ADAMTS20: variants seen among roughly 807,000 people sequenced by gnomAD.
The protein encoded by ADAMTS20 is A disintegrin and metalloproteinase with thrombospondin motifs 20.
ADAMTS20 carries 225 observed loss-of-function variants against 260.1 expected under a neutral mutation model. That is an observed-to-expected ratio of 0.87 (90% confidence interval 0.78 to 0.97). ADAMTS20 has a LOEUF of 0.97. Ranked by LOEUF, ADAMTS20 falls within the 50% of genes least tolerant of loss-of-function variation. The pLI, the probability that ADAMTS20 is intolerant of heterozygous loss-of-function variation, is 0.00. For synonymous variants in ADAMTS20, 802 were observed against 769.5 expected (o/e 1.04, Z -0.70); for missense variants, 2,400 against 2,337.7 (o/e 1.03, Z -0.55).
intron 7 of ADAMTS20, among the ~76,000 whole-genome samples, chr12:43,485,666 C>T (rs1942512316): frequency 6.6e-6 from 1 of 151,964 alleles, no homozygotes; most frequent in African/African-American, 2.4e-5. Context: ...TATACCTAGA[C>T]CATCTTACAG....
rs1341476361 is a variant in ADAMTS20 at position 43,428,708 on chromosome 12, T to C, written c.3581A>G (p.His1194Arg). 2 of 1,612,702 alleles carry C rather than the reference T, an allele frequency of 1.2e-6. No individual in the cohort carries two copies. The highest frequency in any genetic ancestry group is 1.3e-5 in the African/African-American group (1 of 74,880). ...DRIADESYCA[H>R]LPRPAEIWDC... ...CCATATTTCAGCAGGTCGGGGTAAGTGGGCACAATATGATTCATCTGCTAT... is the reference window on the plus strand; with the variant it reads ...CCATATTTCAGCAGGTCGGGGTAAGCGGGCACAATATGATTCATCTGCTAT... The change falls in exon 25 of 39, where the codon CAC (histidine) becomes CGC (arginine). Residue 1194 changes from histidine (H) to arginine (R), a missense_variant. By Grantham distance (29) the His-to-Arg change is conservative (BLOSUM62 0). Transcript: ENST00000389420.
chr12:43,528,512 A>G (rs1345227554), intron 3 of ADAMTS20, among the ~76,000 whole-genome samples: 1 of 152,108 alleles, frequency 6.6e-6, no homozygotes, highest in Non-Finnish European at 1.5e-5. Flanking sequence ...AAAGCCAAAT[A>G]CTTACAACTA....
At chr12:43,450,077 A>G (rs1399912668) in intron 14 of ADAMTS20, among the ~76,000 whole-genome samples, 3 of 152,194 alleles carry the variant, frequency 2.0e-5, no homozygotes, top group Non-Finnish European at 2.9e-5. Context: ...ATTTTAACTC[A>G]TGACCTTAGA....
intron 8 of ADAMTS20, among the ~76,000 whole-genome samples, chr12:43,467,786 C>T (rs1179962172): frequency 6.6e-6 from 1 of 152,118 alleles, no homozygotes; most frequent in African/African-American, 2.4e-5. Context: ...TGATCGTTTA[C>T]TAAAAATTAT....
intron 4 of ADAMTS20, 84 bp from the exon 5 acceptor site, chr12:43,493,337 A>T: frequency 2.1e-6 from 2 of 952,082 alleles, no homozygotes; most frequent in Non-Finnish European, 3.2e-6. Context: ...CAGAGTATCA[A>T]TTCTCTAATT....
chr12:43,443,707 T>A (rs1184025542), intron 16 of ADAMTS20, 84 bp downstream of exon 16: 1 of 1,119,586 alleles, frequency 8.9e-7, no homozygotes, highest in Non-Finnish European at 1.3e-6. Context: ...GGACTCCTGT[T>A]TTCCAAGAAT....
In ADAMTS20 at chr12:43,356,651, GTC is replaced by G; in HGVS notation, c.5539-65_5539-64del. On this transcript the variant is annotated intron_variant, in intron 37 of 38. Transcript: ENST00000389420. ...TTACAAAATATTTGATTACAAATAA[GTC>G]TTCTCAATTGCAAGGGGCAACTGAA... 4.0e-6 allele frequency: 5 copies of G among 1,238,970 alleles called. No individual in the cohort carries two copies. In the South Asian group the frequency reaches 6.6e-5, roughly 16 times the overall value. 76.7% of individuals were successfully genotyped at this position (1,238,970 alleles called of 1,614,324 possible).
chr12:43,472,751 A>C (rs1374965682), intron 7 of ADAMTS20, among the ~76,000 whole-genome samples: 1 of 151,438 alleles, frequency 6.6e-6, no homozygotes, highest in Non-Finnish European at 1.5e-5. Context: ...TCATAAGTGA[A>C]GGAGAAATAA....
At chr12:43,362,899 A>C (rs1402287841) in intron 37 of ADAMTS20, among the ~76,000 whole-genome samples, 1 of 151,898 alleles carries the variant, frequency 6.6e-6, no homozygotes, top group African/African-American at 2.4e-5. Context: ...AAGCTGGAAA[A>C]GGCAAGAAAA....
chr12:43,464,508 A>G (rs1942118636), intron 10 of ADAMTS20, 83 bp downstream of exon 10: 2 of 1,485,288 alleles, frequency 1.3e-6, no homozygotes, highest in Non-Finnish European at 1.8e-6. Flanking sequence ...ATTTAGTTCA[A>G]GAGAATAAAC....
chr12:43,428,847 A>C, intron 24 of ADAMTS20, 48 bp from the exon 25 acceptor site: 7 of 1,476,678 alleles, frequency 4.7e-6, no homozygotes, highest in Non-Finnish European at 5.4e-6. Context: ...GTAGTACCTC[A>C]CCCATGTCCC....
chr12:43,507,719 C>T (rs1942866126), intron 3 of ADAMTS20, among the ~76,000 whole-genome samples: 1 of 152,100 alleles, frequency 6.6e-6, no homozygotes, highest in African/African-American at 2.4e-5. Context: ...TAATGAAAGA[C>T]TGCCACATTA....
intron 28 of ADAMTS20, among the ~76,000 whole-genome samples, chr12:43,400,048 T>C (rs1415147754): frequency 2.0e-5 from 3 of 152,068 alleles, no homozygotes; most frequent in Non-Finnish European, 4.4e-5. Context: ...TCTTACAAAC[T>C]TGTTATGAAG....
chr12:43,430,486 T>C lies in ADAMTS20; in HGVS notation c.3262-15A>G, dbSNP rs375161433. The C allele has an allele frequency of 1.1e-5, 18 of 1,599,992 alleles. No homozygotes were observed. The African/African-American group carries it at 1.9e-4, about 17-fold the overall frequency. ...GTGGTTGTGCACTGAAAGAAGAATA[T>C]AGATATTAAAAAAACATTGTTTCCC... On this transcript the variant is annotated splice_polypyrimidine_tract_variant and intron_variant, in intron 22 of 38. Coordinates refer to ENST00000389420, the MANE Select transcript of ADAMTS20 (RefSeq NM_025003.5).
At chr12:43,435,610 C>T (rs560012442) in intron 18 of ADAMTS20, among the ~76,000 whole-genome samples, 37 of 138,368 alleles carry the variant, frequency 2.7e-4, no homozygotes, top group Admixed American at 6.4e-4. Context: ...CACTGCACTC[C>T]AGCCTGGGCA....
chr12:43,400,193 G>T (rs1219359737), intron 28 of ADAMTS20, among the ~76,000 whole-genome samples: 5 of 151,938 alleles, frequency 3.3e-5, no homozygotes, highest in Non-Finnish European at 7.4e-5. Flanking sequence ...ATTTCAGCAT[G>T]ATATATGTAC....
At chr12:43,454,078 A>C (rs1205648991) in intron 11 of ADAMTS20, 26 bp from the exon 12 acceptor site, 1 of 1,604,108 alleles carries the variant, frequency 6.2e-7, no homozygotes, top group East Asian at 2.2e-5. Flanking sequence ...GCACAAAAAG[A>C]AATGATGTGT....
At chr12:43,497,395 T>C (rs1451101874) in intron 4 of ADAMTS20, among the ~76,000 whole-genome samples, 3 of 152,152 alleles carry the variant, frequency 2.0e-5, no homozygotes, top group Admixed American at 2.0e-4. Context: ...GGTATGTTCA[T>C]AGGCCACCTT....
chr12:43,417,551 G>A (rs1941154647), intron 28 of ADAMTS20, among the ~76,000 whole-genome samples: 1 of 152,086 alleles, frequency 6.6e-6, no homozygotes, highest in Admixed American at 6.5e-5. Context: ...GGTCAATGGT[G>A]GCTATAAAAA....
Sources: gnomAD v4.1 joint callset for allele counts (sites outside exome capture counted in the v4.1 genomes callset) on GRCh38, gnomAD v4.1.1 for gene constraint, MANE v1.5 for transcripts, NCBI Gene and HGNC (gene_info 2026-07-23, HGNC 2026-07-21) for gene names.